The following CNTNAP2 variants were observed in gnomAD, a reference collection of about 807,000 sequenced individuals.
The protein encoded by CNTNAP2 is contactin associated protein 2.
In CNTNAP2, 98 loss-of-function variants were observed where a neutral mutation model predicts 155.2. The observed-to-expected ratio is 0.63, with a 90% CI of 0.54 to 0.75. The LOEUF (loss-of-function observed/expected upper bound fraction) is 0.75, where lower values mean the gene tolerates loss of function less well. Among genes scored for constraint, CNTNAP2 ranks in the 30% least tolerant of loss-of-function variants. The probability of loss-of-function intolerance (pLI) is 0.00; values close to 1 mark genes in which losing one functional copy is unlikely to be tolerated. For missense variants in CNTNAP2, 1,727 were observed against 1,688.1 expected (o/e 1.02, Z -0.40); for synonymous variants, 651 against 631.2 (o/e 1.03, Z -0.47).
At chr7:147,758,242 G>T (rs1306906610) in intron 13 of CNTNAP2, among the ~76,000 whole-genome samples, 4 of 152,262 alleles carry the variant, frequency 2.6e-5, no homozygotes, top group African/African-American at 9.6e-5. Context: ...CTAAAAGTCT[G>T]TTTCTCGAAA....
chr7:146,262,387 T>C (rs1799931469), intron 1 of CNTNAP2, among the ~76,000 whole-genome samples: 1 of 152,192 alleles, frequency 6.6e-6, no homozygotes. Context: ...AAATGGCCTA[T>C]AGTATCAGTG....
intron 1 of CNTNAP2, among the ~76,000 whole-genome samples, chr7:146,150,856 T>G (rs1298390469): frequency 6.6e-6 from 1 of 152,106 alleles, no homozygotes; most frequent in African/African-American, 2.4e-5. Flanking sequence ...ATTTAAGATT[T>G]ACTCTCTTAT....
At chr7:148,110,521 C>CT (rs1027151119) in intron 15 of CNTNAP2, among the ~76,000 whole-genome samples, 1 of 152,034 alleles carries the variant, frequency 6.6e-6, no homozygotes, top group Non-Finnish European at 1.5e-5. Context: ...TGACTTCAGT[C>CT]TGTTACCTCC....
At chr7:148,056,304 A>G (rs1201378441) in intron 15 of CNTNAP2, among the ~76,000 whole-genome samples, 1 of 152,194 alleles carries the variant, frequency 6.6e-6, no homozygotes, top group Non-Finnish European at 1.5e-5. Flanking sequence ...GTTTCAGTCA[A>G]CATTGACCCA....
chr7:146,751,465 G>A (rs1801902224), intron 1 of CNTNAP2, among the ~76,000 whole-genome samples: 1 of 152,064 alleles, frequency 6.6e-6, no homozygotes, highest in Non-Finnish European at 1.5e-5. Flanking sequence ...ACATTTCTGG[G>A]TCTTCCTTTC....
intron 4 of CNTNAP2, among the ~76,000 whole-genome samples, chr7:147,064,528 A>G (rs78002901): frequency 0.014 from 2,167 of 152,270 alleles, 22 homozygotes; most frequent in Non-Finnish European, 0.022. Flanking sequence ...TGCCTCACAT[A>G]GCATTCTTCA....
At chr7:146,497,591 T>C (rs1797237749) in intron 1 of CNTNAP2, among the ~76,000 whole-genome samples, 1 of 151,930 alleles carries the variant, frequency 6.6e-6, no homozygotes, top group Non-Finnish European at 1.5e-5. Flanking sequence ...ATTCATTCTA[T>C]ACTTTCTCTT....
intron 1 of CNTNAP2, among the ~76,000 whole-genome samples, chr7:146,507,743 C>T (rs1563112082): frequency 1.3e-5 from 2 of 152,086 alleles, no homozygotes; most frequent in South Asian, 2.1e-4. Context: ...GGAGGGGTGC[C>T]GCTATTTCTA....
rs532689909 is a variant in CNTNAP2 at position 147,588,262 on chromosome 7, C to G, written c.1897+26005C>G. On this transcript the variant is annotated intron_variant, in intron 12 of 23. Coordinates refer to ENST00000361727, the MANE Select transcript of CNTNAP2 (RefSeq NM_014141.6). ...GAAAGAGGTGCTGGATATATTTGGA[C>G]CCTCCTTTGTGAGAAGGGAAAAGAT... Among the ~76,000 whole-genome samples the G allele has an allele frequency of 1.1e-4, 17 of 152,088 alleles. No individual in the cohort carries two copies. The South Asian group carries it at 3.5e-3, about 32-fold the overall frequency.
At chr7:147,274,367 T>G (rs1804843696) in intron 8 of CNTNAP2, among the ~76,000 whole-genome samples, 1 of 152,174 alleles carries the variant, frequency 6.6e-6, no homozygotes, top group African/African-American at 2.4e-5. Context: ...AAGATGATCA[T>G]CATTGATTTT....
At chr7:147,836,887 ATTAAC>A (rs1477848196) in intron 13 of CNTNAP2, among the ~76,000 whole-genome samples, 12 of 152,256 alleles carry the variant, frequency 7.9e-5, no homozygotes, top group Admixed American at 2.0e-4. Context: ...TAATTTGAAA[ATTAAC>A]TTATTTTAGT....
chr7:148,246,760 A>G (rs1488530598), intron 20 of CNTNAP2, among the ~76,000 whole-genome samples: 1 of 152,242 alleles, frequency 6.6e-6, no homozygotes, highest in East Asian at 1.9e-4. Context: ...TAGGAAAGCC[A>G]TTAGCTCCCT....
At chr7:147,481,563 A>G (rs558103079) in intron 10 of CNTNAP2, among the ~76,000 whole-genome samples, 321 of 152,364 alleles carry the variant, frequency 2.1e-3, no homozygotes, top group Middle Eastern at 6.8e-3. Flanking sequence ...CTTCCAAAAT[A>G]TAGCTTTCAT....
At chr7:148,357,672 AG>A (rs1798542616) in intron 21 of CNTNAP2, among the ~76,000 whole-genome samples, 2 of 152,212 alleles carry the variant, frequency 1.3e-5, no homozygotes, top group African/African-American at 2.4e-5. Flanking sequence ...GAGATCCTGC[AG>A]GGTATTGTAG....
At chr7:147,712,046 A>T (rs1206496733) in intron 13 of CNTNAP2, among the ~76,000 whole-genome samples, 1 of 152,132 alleles carries the variant, frequency 6.6e-6, no homozygotes, top group Non-Finnish European at 1.5e-5. Flanking sequence ...CTCTCAATAC[A>T]AATGCTATCC....
chr7:148,403,502 T>C (rs1161418842), intron 22 of CNTNAP2, among the ~76,000 whole-genome samples: 2 of 152,172 alleles, frequency 1.3e-5, no homozygotes, highest in African/African-American at 4.8e-5. Flanking sequence ...TGTTTTAAAT[T>C]AACACGCCAA....
chr7:146,275,556 A>G (rs185471766), intron 1 of CNTNAP2, among the ~76,000 whole-genome samples: 1 of 152,324 alleles, frequency 6.6e-6, no homozygotes, highest in Admixed American at 6.5e-5. Context: ...GCTGAAGATC[A>G]AAGTAAACCC....
At chr7:146,164,686 A>C (rs1405465019) in intron 1 of CNTNAP2, among the ~76,000 whole-genome samples, 1 of 152,000 alleles carries the variant, frequency 6.6e-6, no homozygotes, top group Non-Finnish European at 1.5e-5. Context: ...TTATTTTTTC[A>C]TTGCTTTGGA....
chr7:147,300,230 T>C lies in CNTNAP2; in HGVS notation c.1438T>C (p.Ser480Pro). 1.2e-6 allele frequency: 2 copies of C among 1,613,980 alleles called. No homozygotes were observed. Among genetic ancestry groups the C allele is most frequent in the Non-Finnish European group, 1.7e-6 (2 of 1,179,916 alleles). Residue 480 changes from serine (S) to proline (P), a missense_variant, in exon 9 of 24, where the codon TCA (serine) becomes CCA (proline). Transcript: ENST00000361727. The part of the protein sequence containing the change: ...AILTIDGDEA[S>P]AVRTNSPLQV... Reference sequence around the variant, plus strand: ...TCTCACCATCGATGGAGATGAAGCATCAGCAGTTCGAACTAATAGTCCCCT... The same window carrying C: ...TCTCACCATCGATGGAGATGAAGCACCAGCAGTTCGAACTAATAGTCCCCT...
Sources: allele counts gnomAD v4.1 joint callset (sites outside exome capture counted in the v4.1 genomes callset), GRCh38; gene constraint gnomAD v4.1.1; transcripts MANE v1.5; gene names NCBI Gene and HGNC (gene_info 2026-07-23, HGNC 2026-07-21).